Variants in OR4L1 observed in about 807,000 individuals in gnomAD.
The protein encoded by OR4L1 is olfactory receptor family 4 subfamily L member 1, also known as olfactory receptor 4L1.
For missense variants in OR4L1, 446 were observed against 368.5 expected (o/e 1.21, Z -1.72); for synonymous variants, 156 against 135.3 (o/e 1.15, Z -1.06).
rs115527858 is a variant in OR4L1, at chr14:20,060,321, T to C, written c.277T>C (p.Ser93Pro). 9.3e-4 allele frequency: 1,481 copies of C among 1,599,846 alleles called. 10 individuals carry two copies. In the African/African-American group the frequency reaches 0.017, roughly 18 times the overall value. The change falls in exon 1 of 1, where the codon TCT (serine) becomes CCT (proline). Residue 93 changes from serine (S) to proline (P), a missense_variant. Ser to Pro is a moderately conservative substitution (Grantham distance 74). Transcript: ENST00000315683. Reference sequence around the variant, plus strand: ...TTTGCTCACTGACCACAAGACCATCTCTGTGTGGGGCTGCGTGACCCAGAT... The same window carrying C: ...TTTGCTCACTGACCACAAGACCATCCCTGTGTGGGGCTGCGTGACCCAGAT... The part of the protein sequence containing the change: ...IDLLTDHKTI[S>P]VWGCVTQMFF...
In OR4L1 at chr14:20,060,202, C is replaced by G; in HGVS notation, c.158C>G (p.Ser53Ter). Residue 53 changes from serine (S) to a stop codon, truncating the protein, a stop_gained, in exon 1 of 1, where the codon TCA becomes TGA. Coordinates refer to ENST00000315683, the MANE Select transcript of OR4L1 (RefSeq NM_001004717.1). LOFTEE classifies it low-confidence loss of function (END_TRUNC). ...ILIMVTVTCR[S>*]TLHSPLYFLL... ...ATTATGGTCACAGTGACATGTAGGTCAACCCTTCATTCTCCCTTGTACTTT... is the reference window on the plus strand; with the variant it reads ...ATTATGGTCACAGTGACATGTAGGTGAACCCTTCATTCTCCCTTGTACTTT... The G allele has an allele frequency of 4.4e-6, 7 of 1,606,504 alleles. No individual in the cohort carries two copies. Among genetic ancestry groups the G allele is most frequent in the Non-Finnish European group, 6.0e-6 (7 of 1,175,296 alleles).
At position 20,060,542 on chromosome 14, in the gene OR4L1, G is replaced by T. The variant is rs1362607698; in HGVS notation, c.498G>T (p.Leu166Phe). ...SISQIVLTMN[L>F]PFCGHNVINN... The stretch of plus-strand genomic sequence containing the variant: ...GCCAGATAGTTTTAACAATGAACTT[G>T]CCTTTCTGTGGCCACAATGTCATAA... The change falls in exon 1 of 1, where the codon TTG (leucine) becomes TTT (phenylalanine). Residue 166 changes from leucine to phenylalanine, a missense_variant. Leu to Phe is a conservative substitution (Grantham distance 22, BLOSUM62 0). Coordinates refer to ENST00000315683, the MANE Select transcript of OR4L1 (RefSeq NM_001004717.1). 6.2e-7 allele frequency: 1 copy of T among 1,612,294 alleles called. No homozygotes were observed. The highest frequency in any genetic ancestry group is 1.7e-5 in the Admixed American group (1 of 59,848).
At position 20,060,150 on chromosome 14, in the gene OR4L1, G is replaced by T. The variant is rs150605467; in HGVS notation, c.106G>T (p.Gly36Cys). 1,094 of 1,602,184 alleles carry T rather than the reference G, an allele frequency of 6.8e-4. 1 individual carries two copies. The highest frequency in any genetic ancestry group is 8.8e-4 in the Non-Finnish European group (1,038 of 1,174,164). ...FFFVTFSLIY[G>C]ATVMGNILIM... The stretch of plus-strand genomic sequence containing the variant: ...CTTTGTGACATTTTCCCTGATCTAC[G>T]GTGCTACTGTGATGGGAAACATTCT... The change falls in exon 1 of 1, where the codon GGT becomes TGT. Residue 36 changes from glycine to cysteine, a missense_variant. Transcript: ENST00000315683.
At position 20,060,221 on chromosome 14, in the gene OR4L1, G is replaced by A. The variant is rs754560455; in HGVS notation, c.177G>A (p.Leu59=). Residue 59 remains leucine (L), a synonymous_variant, in exon 1 of 1, where the codon TTG becomes TTA. Coordinates refer to ENST00000315683, the MANE Select transcript of OR4L1 (RefSeq NM_001004717.1). ...GTAGGTCAACCCTTCATTCTCCCTT[G>A]TACTTTCTCCTTGGAAATCTCTCTT... ...VTCRSTLHSP[L]YFLLGNLSFL... 3.7e-6 allele frequency: 6 copies of A among 1,606,668 alleles called. No homozygotes were observed. The highest frequency in any genetic ancestry group is 2.7e-5 in the African/African-American group (2 of 74,646).
At position 20,060,130 on chromosome 14, in the gene OR4L1, T is replaced by A. The variant is rs1876699320; in HGVS notation, c.86T>A (p.Val29Glu). The change falls in exon 1 of 1, where the codon GTG becomes GAG. Residue 29 changes from valine (V) to glutamate (E), a missense_variant. Val to Glu is a moderately radical substitution (Grantham distance 121). Coordinates refer to ENST00000315683, the MANE Select transcript of OR4L1 (RefSeq NM_001004717.1). ...GRWELQIFFFVTFSLIYGATV... is the reference protein window; with the variant it reads ...GRWELQIFFFETFSLIYGATV... ...TGGGAACTTCAAATTTTCTTCTTTG[T>A]GACATTTTCCCTGATCTACGGTGCT... The A allele has an allele frequency of 6.3e-7, 1 of 1,592,098 alleles. No homozygotes were observed.
rs145792807 is a variant in OR4L1 at position 20,060,381 on chromosome 14, A to G, written c.337A>G (p.Thr113Ala). 146 of 1,606,062 alleles carry G rather than the reference A, an allele frequency of 9.1e-5. 1 individual carries two copies. The African/African-American group carries it at 1.5e-3, about 17-fold the overall frequency. ...GCACTTCTTTGGGGGTGCTGAGATG[A>G]CTCTTCTGATAATCATGGCCTTTGA... Reference protein sequence around the residue: ...FMHFFGGAEMTLLIIMAFDRY... With the variant: ...FMHFFGGAEMALLIIMAFDRY... The change falls in exon 1 of 1, where the codon ACT (threonine) becomes GCT (alanine). Residue 113 changes from threonine to alanine, a missense_variant. Thr to Ala is a moderately conservative substitution (Grantham distance 58). Transcript: ENST00000315683.
At position 20,060,737 on chromosome 14, in the gene OR4L1, T is replaced by C. The variant is rs1308377678; in HGVS notation, c.693T>C (p.His231=). Residue 231 remains histidine (H), a synonymous_variant, in exon 1 of 1, where the codon CAT becomes CAC. Transcript: ENST00000315683. ...ILVSVPKKSS[H]GLSKALSTLS... ...TCAGTGTACCAAAAAAATCATCACATGGGCTCTCCAAGGCGCTGTCCACAT... is the reference window on the plus strand; with the variant it reads ...TCAGTGTACCAAAAAAATCATCACACGGGCTCTCCAAGGCGCTGTCCACAT... 1 of 1,613,652 alleles carries C rather than the reference T, an allele frequency of 6.2e-7. No individual in the cohort carries two copies. Among genetic ancestry groups the C allele is most frequent in the Non-Finnish European group, 8.5e-7 (1 of 1,179,704 alleles).
Position 20,060,113 on chromosome 14 carries a change from T to A in OR4L1, c.69T>A (p.Leu23=), listed in dbSNP as rs1876698934. The A allele has an allele frequency of 2.5e-6, 4 of 1,583,088 alleles. No individual in the cohort carries two copies. Among genetic ancestry groups the A allele is most frequent in the Non-Finnish European group, 2.6e-6 (3 of 1,169,786 alleles). The change falls in exon 1 of 1, where the codon CTT becomes CTA. Residue 23 remains leucine, a synonymous_variant. Coordinates refer to ENST00000315683, the MANE Select transcript of OR4L1 (RefSeq NM_001004717.1). ...ILLGFFGRWE[L]QIFFFVTFSL... ...TAGGATTTTTTGGACGATGGGAACT[T>A]CAAATTTTCTTCTTTGTGACATTTT...
rs764455064 is a variant in OR4L1, at chr14:20,060,948, C to T, written c.904C>T (p.Arg302Trp). Residue 302 changes from arginine (R) to tryptophan (W), a missense_variant, in exon 1 of 1, where the codon CGG (arginine) becomes TGG (tryptophan). Arg to Trp is a moderately radical substitution (Grantham distance 101). Coordinates refer to ENST00000315683, the MANE Select transcript of OR4L1 (RefSeq NM_001004717.1). ...KKMQEAIRKL[R>W]FQYVSSAQNF ...AATGCAAGAGGCCATAAGAAAATTA[C>T]GGTTCCAATATGTTAGTTCTGCACA... 21 of 1,564,370 alleles carry T rather than the reference C, an allele frequency of 1.3e-5. No individual in the cohort carries two copies. The highest frequency in any genetic ancestry group is 1.7e-4 in the Middle Eastern group (1 of 5,800).
At position 20,060,060 on chromosome 14, in the gene OR4L1, G is replaced by A; in HGVS notation, c.16G>A (p.Gly6Arg). 6.7e-7 allele frequency: 1 copy of A among 1,501,244 alleles called. No homozygotes were observed. The highest frequency in any genetic ancestry group is 2.3e-5 in the East Asian group (1 of 43,584). 93.0% of individuals were successfully genotyped at this position (1,501,244 alleles called of 1,614,324 possible). ...AGTTGAGTAAATGGATCTTAAAAATGGATCTCTAGTGACCGAGTTTATTTT... is the reference window on the plus strand; with the variant it reads ...AGTTGAGTAAATGGATCTTAAAAATAGATCTCTAGTGACCGAGTTTATTTT... MDLKN[G>R]SLVTEFILLG... is the part of the protein sequence containing the mutation. The change falls in exon 1 of 1, where the codon GGA becomes AGA. Residue 6 changes from glycine (G) to arginine (R), a missense_variant. Coordinates refer to ENST00000315683, the MANE Select transcript of OR4L1 (RefSeq NM_001004717.1).
At position 20,060,855 on chromosome 14, in the gene OR4L1, C is replaced by G; in HGVS notation, c.811C>G (p.Leu271Val). Reference sequence around the variant, plus strand: ...CAGTAGTTTGGCAAGCAATAAAACTCTTGCCGTATTTTATACAGTTATCAC... The same window carrying G: ...CAGTAGTTTGGCAAGCAATAAAACTGTTGCCGTATTTTATACAGTTATCAC... ...PFSSLASNKT[L>V]AVFYTVITPL... Residue 271 changes from leucine to valine, a missense_variant, in exon 1 of 1, where the codon CTT becomes GTT. Physicochemically the swap from Leu to Val is conservative, Grantham distance 32. Transcript: ENST00000315683. The G allele has an allele frequency of 2.5e-6, 4 of 1,611,804 alleles. No individual in the cohort carries two copies. Among genetic ancestry groups the G allele is most frequent in the Non-Finnish European group, 3.4e-6 (4 of 1,178,602 alleles).
chr14:20,060,370 G>A lies in OR4L1; in HGVS notation c.326G>A (p.Gly109Asp). The A allele has an allele frequency of 6.2e-7, 1 of 1,605,286 alleles. No individual in the cohort carries two copies. The highest frequency in any genetic ancestry group is 8.5e-7 in the Non-Finnish European group (1 of 1,176,150). ...TQMFFMHFFG[G>D]AEMTLLIIMA... is the part of the protein sequence containing the mutation. ...ATGTTCTTCATGCACTTCTTTGGGG[G>A]TGCTGAGATGACTCTTCTGATAATC... is the stretch of plus-strand genomic sequence containing the variant. The change falls in exon 1 of 1, where the codon GGT becomes GAT. Residue 109 changes from glycine to aspartate, a missense_variant. Physicochemically the swap from Gly to Asp is moderately conservative, Grantham distance 94. Coordinates refer to ENST00000315683, the MANE Select transcript of OR4L1 (RefSeq NM_001004717.1).
At position 20,060,457 on chromosome 14, in the gene OR4L1, AC is replaced by A; in HGVS notation, c.414del (p.His138GlnfsTer4). 1 of 1,613,778 alleles carries A rather than the reference AC, an allele frequency of 6.2e-7. No individual in the cohort carries two copies. Among genetic ancestry groups the A allele is most frequent in the Non-Finnish European group, 8.5e-7 (1 of 1,179,828 alleles). On this transcript the variant is annotated frameshift_variant, in exon 1 of 1. Coordinates refer to ENST00000315683, the MANE Select transcript of OR4L1 (RefSeq NM_001004717.1). LOFTEE classifies it low-confidence loss of function (END_TRUNC). ...KPLHYRTIMS[H>X]KLLKGFAILS... ...CTGCACTATAGGACAATCATGAGCC[AC>A]AAGCTGCTAAAGGGGTTTGCGATAC...
chr14:20,060,577 TTTGTGATCTTCCCC>T lies in OR4L1; in HGVS notation c.542_555del (p.Leu181GlnfsTer6). On this transcript the variant is annotated frameshift_variant, in exon 1 of 1. Coordinates refer to ENST00000315683, the MANE Select transcript of OR4L1 (RefSeq NM_001004717.1). LOFTEE classifies it low-confidence loss of function (END_TRUNC). The stretch of plus-strand genomic sequence containing the variant: ...GGCCACAATGTCATAAACAACATAT[TTTGTGATCTTCCCC>T]TTGTGATCAAGCTTGCTTGCATTGA... 6.2e-7 allele frequency: 1 copy of T among 1,612,610 alleles called. No individual in the cohort carries two copies. The highest frequency in any genetic ancestry group is 8.5e-7 in the Non-Finnish European group (1 of 1,179,260).
In OR4L1 at chr14:20,060,969, G is replaced by C; in HGVS notation, c.925G>C (p.Ala309Pro). Residue 309 changes from alanine to proline, a missense_variant, in exon 1 of 1, where the codon GCA becomes CCA. By Grantham distance (27) the Ala-to-Pro change is conservative. Transcript: ENST00000315683. The part of the protein sequence containing the change: ...RKLRFQYVSS[A>P]QNF Reference sequence around the variant, plus strand: ...ATTACGGTTCCAATATGTTAGTTCTGCACAGAATTTCTAGATGTTAGCACT... The same window carrying C: ...ATTACGGTTCCAATATGTTAGTTCTCCACAGAATTTCTAGATGTTAGCACT... 1.3e-6 allele frequency: 2 copies of C among 1,520,838 alleles called. No homozygotes were observed. The highest frequency in any genetic ancestry group is 1.8e-6 in the Non-Finnish European group (2 of 1,135,216). The allele number at this position is 1,520,838 out of a possible 1,614,324, so 94.2% of individuals were successfully genotyped here. A position where few individuals can be genotyped will look rare whatever the true frequency, so the allele number is the denominator to read the frequency against.
Position 20,060,745 on chromosome 14 carries a change from C to G in OR4L1, c.701C>G (p.Ser234Cys). The change falls in exon 1 of 1, where the codon TCC becomes TGC. Residue 234 changes from serine (S) to cysteine (C), a missense_variant. Ser to Cys is a moderately radical substitution (Grantham distance 112). Coordinates refer to ENST00000315683, the MANE Select transcript of OR4L1 (RefSeq NM_001004717.1). The stretch of plus-strand genomic sequence containing the variant: ...CCAAAAAAATCATCACATGGGCTCT[C>G]CAAGGCGCTGTCCACATTGTCTGCC... The part of the protein sequence containing the change: ...SVPKKSSHGL[S>C]KALSTLSAHI... 1 of 1,613,236 alleles carries G rather than the reference C, an allele frequency of 6.2e-7. No individual in the cohort carries two copies. Among genetic ancestry groups the G allele is most frequent in the East Asian group, 2.2e-5 (1 of 44,876 alleles).
Position 20,060,794 on chromosome 14 carries a change from C to A in OR4L1, c.750C>A (p.Phe250Leu). The A allele has an allele frequency of 5.6e-6, 9 of 1,612,060 alleles. No individual in the cohort carries two copies. The highest frequency in any genetic ancestry group is 6.8e-6 in the Non-Finnish European group (8 of 1,179,228). ...LSAHIIVVTL[F>L]FGPCIFIYVW... ...CCCACATCATTGTGGTCACTCTGTTCTTTGGACCTTGTATTTTTATCTATG... is the reference window on the plus strand; with the variant it reads ...CCCACATCATTGTGGTCACTCTGTTATTTGGACCTTGTATTTTTATCTATG... Residue 250 changes from phenylalanine (F) to leucine (L), a missense_variant, in exon 1 of 1, where the codon TTC becomes TTA. Phe to Leu is a conservative substitution (Grantham distance 22). Transcript: ENST00000315683.
Position 20,060,469 on chromosome 14 carries a change from AG to A in OR4L1, c.429del (p.Phe144LeufsTer7). On this transcript the variant is annotated frameshift_variant, in exon 1 of 1. Coordinates refer to ENST00000315683, the MANE Select transcript of OR4L1 (RefSeq NM_001004717.1). LOFTEE classifies it low-confidence loss of function (END_TRUNC). Reference protein sequence around the residue: ...YRTIMSHKLLKGFAILSWIIG... With the variant: ...YRTIMSHKLLXGFAILSWIIG... Reference sequence around the variant, plus strand: ...ACAATCATGAGCCACAAGCTGCTAAAGGGGTTTGCGATACTTTCATGGATAA... The same window carrying A: ...ACAATCATGAGCCACAAGCTGCTAAAGGGTTTGCGATACTTTCATGGATAA... The A allele has an allele frequency of 6.2e-7, 1 of 1,613,862 alleles. No homozygotes were observed. Among genetic ancestry groups the A allele is most frequent in the Non-Finnish European group, 8.5e-7 (1 of 1,179,846 alleles).
chr14:20,060,161 G>A lies in OR4L1; in HGVS notation c.117G>A (p.Val39=). The A allele has an allele frequency of 6.2e-7, 1 of 1,605,906 alleles. No individual in the cohort carries two copies. The highest frequency in any genetic ancestry group is 8.5e-7 in the Non-Finnish European group (1 of 1,174,816). ...TTTCCCTGATCTACGGTGCTACTGT[G>A]ATGGGAAACATTCTCATTATGGTCA... ...VTFSLIYGAT[V]MGNILIMVTV... Residue 39 remains valine (V), a synonymous_variant, in exon 1 of 1, where the codon GTG becomes GTA. Transcript: ENST00000315683.
Sources: gnomAD v4.1 joint callset for allele counts on GRCh38, gnomAD v4.1.1 for gene constraint, MANE v1.5 for transcripts, NCBI Gene and HGNC (gene_info 2026-07-23, HGNC 2026-07-21) for gene names.